The following CIRBP variants were observed in gnomAD, a reference collection of about 807,000 sequenced individuals.
CIRBP encodes cold inducible RNA binding protein.
CIRBP carries 11 observed loss-of-function variants against 22.3 expected under a neutral mutation model. The observed-to-expected ratio is 0.49, with a 90% CI of 0.31 to 0.82. The LOEUF is 0.82. Among genes scored for constraint, CIRBP ranks in the 40% least tolerant of loss-of-function variants. The pLI is 0.05. For missense variants in CIRBP, 456 were observed against 402.7 expected, an observed-to-expected ratio of 1.13 and a Z score of -1.13; for synonymous variants, 216 against 158.8, an observed-to-expected ratio of 1.36 and a Z score of -2.71.
rs539734260 is a variant in CIRBP, at chr19:1,272,758, T to C, written c.*315T>C. 2 of 253,064 alleles carry C rather than the reference T, an allele frequency of 7.9e-6. No individual in the cohort carries two copies. The highest frequency in any genetic ancestry group is 7.6e-5 in the East Asian group (1 of 13,098). 15.7% of individuals were successfully genotyped at this position (253,064 alleles called of 1,614,324 possible). Reference sequence around the variant, plus strand: ...TTGTGTGGGTTTTTGGTTTTTGTTTTAGTTTTTGGTTGCGTTGCCTTTTTT... The same window carrying C: ...TTGTGTGGGTTTTTGGTTTTTGTTTCAGTTTTTGGTTGCGTTGCCTTTTTT... On this transcript the variant is annotated 3_prime_UTR_variant, in exon 6 of 6. Transcript: ENST00000587896.
At position 1,271,597 on chromosome 19, in the gene CIRBP, T is replaced by C; in HGVS notation, c.396T>C (p.Ser132=). ...GYGGNRFESR[S]GGYGGSRDYY... ...GGGGGAACCGGTTCGAGTCCAGGAG[T>C]GGGGGCTACGGAGGCTCCAGAGACT... The change falls in exon 5 of 6, where the codon AGT becomes AGC. Residue 132 remains serine (S), a synonymous_variant. Coordinates refer to ENST00000587896, the MANE Select transcript of CIRBP (RefSeq NM_001300829.2). The C allele has an allele frequency of 6.5e-7, 1 of 1,543,186 alleles. No individual in the cohort carries two copies. The highest frequency in any genetic ancestry group is 8.7e-7 in the Non-Finnish European group (1 of 1,146,108).
rs200121207 is a variant in CIRBP, at chr19:1,271,026, G to A, written c.93G>A (p.Gln31=). 6 of 1,613,978 alleles carry A rather than the reference G, an allele frequency of 3.7e-6. No individual in the cohort carries two copies. Among genetic ancestry groups the A allele is most frequent in the Non-Finnish European group, 8.5e-7 (1 of 1,179,950 alleles). ...SLEQVFSKYG[Q]ISEVVVVKDR... is the part of the protein sequence containing the mutation. The stretch of plus-strand genomic sequence containing the variant: ...AGCAGGTCTTCTCAAAGTACGGACA[G>A]ATCTCTGAAGGTGAGGCTGCTGCTG... The change falls in exon 2 of 6, where the codon CAG becomes CAA. Residue 31 remains glutamine (Q), a synonymous_variant. Coordinates refer to ENST00000587896, the MANE Select transcript of CIRBP (RefSeq NM_001300829.2).
intron 1 of CIRBP, chr19:1,270,228 G>T: frequency 3.2e-6 from 1 of 314,798 alleles, no homozygotes; most frequent in Non-Finnish European, 6.2e-6. Context: ...CTCCCTGACA[G>T]CCAGCCCCCC....
intron 1 of CIRBP, 126 bp from the exon 2 acceptor site, chr19:1,270,802 T>G (rs2145525921): frequency 1.3e-6 from 1 of 767,680 alleles, no homozygotes; most frequent in East Asian, 2.4e-5. Context: ...TTTGAGATAA[T>G]GAAAAATAAA....
intron 1 of CIRBP, 23 bp downstream of exon 1, chr19:1,269,433 C>G (rs2081295102): frequency 6.6e-6 from 1 of 151,954 alleles, no homozygotes; most frequent in Non-Finnish European, 1.5e-5. Context: ...GCTGCACCGG[C>G]TCCGAGGAGC....
rs141322579 is a variant in CIRBP, at chr19:1,272,347, G to A, written c.798G>A (p.Pro266=). 3,512 of 1,613,444 alleles carry A rather than the reference G, an allele frequency of 2.2e-3. 19 individuals are homozygous for A. Among genetic ancestry groups the A allele is most frequent in the Middle Eastern group, 0.012 (73 of 6,060 alleles). Reference sequence around the variant, plus strand: ...GGTGGTTGCTCCCCGGCCGCAGGCCGCGCCCTGGTCTGGCCTCTGGGGTGA... The same window carrying A: ...GGTGGTTGCTCCCCGGCCGCAGGCCACGCCCTGGTCTGGCCTCTGGGGTGA... ...CGGWLLPGRR[P]RPGLASGVKL... is the part of the protein sequence containing the mutation. Residue 266 remains proline, a synonymous_variant, in exon 6 of 6, where the codon CCG becomes CCA. Coordinates refer to ENST00000587896, the MANE Select transcript of CIRBP (RefSeq NM_001300829.2).
Position 1,273,798 on chromosome 19 carries a change from T to C in CIRBP, c.*1355T>C, listed in dbSNP as rs977102704. The C allele has an allele frequency of 6.6e-6, 1 of 152,308 alleles. No homozygotes were observed. Among genetic ancestry groups the C allele is most frequent in the Non-Finnish European group, 1.5e-5 (1 of 68,172 alleles). 9.4% of individuals were successfully genotyped at this position (152,308 alleles called of 1,614,324 possible). ...TGCCCGGGGAATGTTCCTGTGACTG[T>C]TTTTTGTTTTTCCTTTTTTTTTTAA... is the stretch of plus-strand genomic sequence containing the variant. On this transcript the variant is annotated 3_prime_UTR_variant, in exon 6 of 6. Transcript: ENST00000587896.
chr19:1,273,988 T>G lies in CIRBP; in HGVS notation c.*1545T>G, dbSNP rs2081383333. ...TGAACGCCCCCGCCTTTTGGATTTT[T>G]TGCTCAATTGACCGTCTTTTCCAGA... On this transcript the variant is annotated 3_prime_UTR_variant, in exon 6 of 6. Transcript: ENST00000587896. 4.0e-6 allele frequency: 1 copy of G among 250,272 alleles called. No homozygotes were observed. The highest frequency in any genetic ancestry group is 6.9e-5 in the East Asian group (1 of 14,406). The allele number at this position is 250,272 out of a possible 1,614,324, so 15.5% of individuals were successfully genotyped here. A position where few individuals can be genotyped will look rare whatever the true frequency, so the allele number is the denominator to read the frequency against.
chr19:1,271,945 G>C, intron 5 of CIRBP, 36 bp from the exon 6 acceptor site: 1 of 1,563,374 alleles, frequency 6.4e-7, no homozygotes, highest in East Asian at 2.3e-5. Flanking sequence ...AAGTAGACGG[G>C]TACCTTCCGG....
In CIRBP at chr19:1,272,274, C is replaced by T. The variant is rs746299668; in HGVS notation, c.725C>T (p.Ser242Leu). 9 of 1,612,316 alleles carry T rather than the reference C, an allele frequency of 5.6e-6. No individual in the cohort carries two copies. The highest frequency in any genetic ancestry group is 1.3e-5 in the African/African-American group (1 of 74,932). The change falls in exon 6 of 6, where the codon TCA (serine) becomes TTA (leucine). Residue 242 changes from serine to leucine, a missense_variant. This residue lies in a region of CIRBP where 426 missense variants were observed against 339.6 expected (regional missense o/e 1.25). Coordinates refer to ENST00000587896, the MANE Select transcript of CIRBP (RefSeq NM_001300829.2). ...GGAGAGCGAGGGCCCGCTGGGCAGT[C>T]AGCTAGGTGCATGTGTGGCCGCAGG... is the stretch of plus-strand genomic sequence containing the variant. ...GKGERGPAGQ[S>L]ARCMCGRRPA... is the part of the protein sequence containing the mutation.
downstream of CIRBP, chr19:1,274,878 C>T (rs2081396662): frequency 6.6e-6 from 1 of 152,502 alleles, no homozygotes; most frequent in South Asian, 2.1e-4. Context: ...CTGCGGACCT[C>T]GGTTCAGCGC....
intron 1 of CIRBP, chr19:1,269,704 A>T (rs536069407): frequency 5.7e-6 from 2 of 350,244 alleles, no homozygotes; most frequent in South Asian, 2.1e-5. Context: ...GGAGTGGCGC[A>T]GGGTGCGCGC....
At chr19:1,271,925 G>T in intron 5 of CIRBP, 56 bp from the exon 6 acceptor site, 1 of 1,492,058 alleles carries the variant, frequency 6.7e-7, no homozygotes, top group Non-Finnish European at 9.2e-7. Flanking sequence ...AGCCTGTTGT[G>T]GCAGAGCAGA....
Position 1,272,248 on chromosome 19 carries a change from G to A in CIRBP, c.699G>A (p.Lys233=), listed in dbSNP as rs2081355114. The change falls in exon 6 of 6, where the codon AAG becomes AAA. Residue 233 remains lysine, a synonymous_variant. Transcript: ENST00000587896. The part of the protein sequence containing the change: ...QKPNETDQKG[K]GERGPAGQSA... ...CAAATGAGACTGACCAAAAAGGCAAGGGAGAGCGAGGGCCCGCTGGGCAGT... is the reference window on the plus strand; with the variant it reads ...CAAATGAGACTGACCAAAAAGGCAAAGGAGAGCGAGGGCCCGCTGGGCAGT... 3.1e-6 allele frequency: 5 copies of A among 1,605,990 alleles called. No individual in the cohort carries two copies. The South Asian group carries it at 3.3e-5, about 11-fold the overall frequency.
rs762498708 is a variant in CIRBP, at chr19:1,271,539, C to A, written c.350-12C>A. 1 of 1,592,872 alleles carries A rather than the reference C, an allele frequency of 6.3e-7. No individual in the cohort carries two copies. The highest frequency in any genetic ancestry group is 8.5e-7 in the Non-Finnish European group (1 of 1,170,292). On this transcript the variant is annotated splice_polypyrimidine_tract_variant and intron_variant, in intron 4 of 5. Transcript: ENST00000587896. ...GGTGGGAGCTGGTACTCACTTTTTC[C>A]TGTATGTGCAGGAGGAGGGGACCGA...
chr19:1,271,978 C>T lies in CIRBP; in HGVS notation c.432-3C>T. 1.2e-6 allele frequency: 2 copies of T among 1,604,262 alleles called. No homozygotes were observed. The highest frequency in any genetic ancestry group is 1.7e-6 in the Non-Finnish European group (2 of 1,172,446). ...CGGTACTCAACGTTTGTCTGTCTTG[C>T]AGCCGGAGTCAGAGTGGTGGCTACA... On this transcript the variant is annotated splice_region_variant and splice_polypyrimidine_tract_variant and intron_variant, in intron 5 of 5. Coordinates refer to ENST00000587896, the MANE Select transcript of CIRBP (RefSeq NM_001300829.2).
chr19:1,271,952 C>G, intron 5 of CIRBP, 29 bp from the exon 6 acceptor site: 2 of 1,572,094 alleles, frequency 1.3e-6, no homozygotes, highest in Non-Finnish European at 1.7e-6. Context: ...CGGGTACCTT[C>G]CGGTACTCAA....
Position 1,271,046 on chromosome 19 carries a change from C to G in CIRBP, c.103+10C>G, listed in dbSNP as rs1451393534. The G allele has an allele frequency of 1.9e-6, 3 of 1,613,170 alleles. No homozygotes were observed. The highest frequency in any genetic ancestry group is 3.3e-5 in the Admixed American group (2 of 59,998). ...GGACAGATCTCTGAAGGTGAGGCTG[C>G]TGCTGGGCCCGCGGCCCTGGGCGGG... On this transcript the variant is annotated intron_variant, in intron 2 of 5. Transcript: ENST00000587896.
rs1048763586 is a variant in CIRBP at position 1,273,974 on chromosome 19, G to A, written c.*1531G>A. On this transcript the variant is annotated 3_prime_UTR_variant, in exon 6 of 6. Transcript: ENST00000587896. ...GGATTGAAGACCAGTGAACGCCCCC[G>A]CCTTTTGGATTTTTTGCTCAATTGA... 4 of 231,642 alleles carry A rather than the reference G, an allele frequency of 1.7e-5. No homozygotes were observed. Among genetic ancestry groups the A allele is most frequent in the African/African-American group, 4.5e-5 (2 of 44,198 alleles). The allele number at this position is 231,642 out of a possible 1,614,324, so 14.3% of individuals were successfully genotyped here.
Sources: allele counts gnomAD v4.1 joint callset, GRCh38; gene constraint gnomAD v4.1.1; regional missense constraint gnomAD v4.1.1; transcripts MANE v1.5; gene names NCBI Gene and HGNC (gene_info 2026-07-23, HGNC 2026-07-21).